WWP1: variants seen among roughly 807,000 people sequenced by gnomAD.
The protein encoded by WWP1 is NEDD4-like E3 ubiquitin-protein ligase WWP1.
A neutral mutation model predicts 130.6 loss-of-function variants in WWP1; 49 were observed. The observed-to-expected ratio is 0.38, with a 90% CI of 0.30 to 0.48. WWP1 has a LOEUF of 0.48. Ranked by LOEUF, WWP1 falls within the 20% of genes least tolerant of loss-of-function variation. WWP1 has a pLI of 0.99. For synonymous variants in WWP1, 332 were observed against 367.8 expected, an observed-to-expected ratio of 0.90 and a Z score of 1.11; for missense variants, 809 against 1,100.6, an observed-to-expected ratio of 0.74 and a Z score of 3.75.
intron 2 of WWP1, among the ~76,000 whole-genome samples, chr8:86,372,233 A>G (rs1241638050): frequency 1.3e-5 from 2 of 151,752 alleles, no homozygotes; most frequent in South Asian, 2.1e-4. Context: ...CGTGTTACCC[A>G]GGATGGTCTC....
Position 86,458,009 on chromosome 8 carries a change from T to C in WWP1, c.2483T>C (p.Ile828Thr), listed in dbSNP as rs1563551503. 6.2e-7 allele frequency: 1 copy of C among 1,611,600 alleles called. No homozygotes were observed. Among genetic ancestry groups the C allele is most frequent in the East Asian group, 2.2e-5 (1 of 44,804 alleles). The change falls in exon 22 of 25, where the codon ATC (isoleucine) becomes ACC (threonine). Residue 828 changes from isoleucine to threonine, a missense_variant. Physicochemically the swap from Ile to Thr is moderately conservative, Grantham distance 89 (BLOSUM62 -1). Transcript: ENST00000517970. ...CATTATACAAGAAACAGCAAGCAAATCATTTGGTTTTGGCAGGTATTTGCT... is the reference window on the plus strand; with the variant it reads ...CATTATACAAGAAACAGCAAGCAAACCATTTGGTTTTGGCAGGTATTTGCT... ...YRHYTRNSKQ[I>T]IWFWQFVKET...
At chr8:86,364,823 GAAAGAA>G (rs1823864832) in intron 1 of WWP1, among the ~76,000 whole-genome samples, 1 of 126,814 alleles carries the variant, frequency 7.9e-6, no homozygotes, top group Non-Finnish European at 1.7e-5. Context: ...AAGAAAGAAA[GAAAGAA>G]AGAAAGAGAG....
chr8:86,393,584 G>C (rs1484159468), intron 5 of WWP1, among the ~76,000 whole-genome samples: 1 of 152,212 alleles, frequency 6.6e-6, no homozygotes. Flanking sequence ...GGAAGTAGGA[G>C]CTTAACTTTG....
chr8:86,456,353 A>G (rs1269775347), intron 21 of WWP1, among the ~76,000 whole-genome samples: 3 of 151,976 alleles, frequency 2.0e-5, no homozygotes, highest in Non-Finnish European at 4.4e-5. Flanking sequence ...TATTGAGACA[A>G]AGATCTTATA....
chr8:86,437,398 G>A (rs1230045392), intron 16 of WWP1, among the ~76,000 whole-genome samples: 1 of 152,182 alleles, frequency 6.6e-6, no homozygotes, highest in Non-Finnish European at 1.5e-5. Flanking sequence ...GGAATGTGTG[G>A]TATAAACAGG....
At chr8:86,364,641 AAAAC>A (rs1286894876) in intron 1 of WWP1, among the ~76,000 whole-genome samples, 4 of 152,116 alleles carry the variant, frequency 2.6e-5, no homozygotes, top group African/African-American at 4.8e-5. Context: ...ATCTCTACAA[AAAAC>A]AAACAAAGAA....
At chr8:86,418,978 C>G (rs1380697100) in intron 9 of WWP1, among the ~76,000 whole-genome samples, 1 of 152,136 alleles carries the variant, frequency 6.6e-6, no homozygotes, top group Non-Finnish European at 1.5e-5. Context: ...TATTATCACT[C>G]TTTAATTAAT....
At chr8:86,409,369 G>T (rs139840903) in intron 8 of WWP1, among the ~76,000 whole-genome samples, 35 of 149,500 alleles carry the variant, frequency 2.3e-4, no homozygotes, top group Admixed American at 2.3e-3. Flanking sequence ...GAGTAGCTGG[G>T]ATTACAGGCA....
chr8:86,379,188 G>C (rs1443455484), intron 3 of WWP1, among the ~76,000 whole-genome samples: 1 of 152,034 alleles, frequency 6.6e-6, no homozygotes, highest in Non-Finnish European at 1.5e-5. Flanking sequence ...AGCAAGTCTG[G>C]GCCTTCTATA....
chr8:86,387,186 G>C lies in WWP1; in HGVS notation c.334+5557G>C, dbSNP rs529307009. Among the ~76,000 whole-genome samples the C allele has an allele frequency of 1.8e-4, 27 of 152,102 alleles. No homozygotes were observed. The East Asian group carries it at 1.9e-3, about 11-fold the overall frequency. ...TTTCTTAACCTAAATTATTTTTATT[G>C]GTTGCCATATATATATTAAATGACC... On this transcript the variant is annotated intron_variant, in intron 5 of 24. Coordinates refer to ENST00000517970, the MANE Select transcript of WWP1 (RefSeq NM_007013.4).
At chr8:86,391,293 A>G (rs542429218) in intron 5 of WWP1, among the ~76,000 whole-genome samples, 26 of 152,286 alleles carry the variant, frequency 1.7e-4, no homozygotes, top group Non-Finnish European at 3.5e-4. Flanking sequence ...ACATTGTCTC[A>G]GAATGTTTGT....
Position 86,468,394 on chromosome 8 carries a change from T to C in WWP1, c.*1501T>C, listed in dbSNP as rs1294156315. The stretch of plus-strand genomic sequence containing the variant: ...TTGAATAGACTCCTTTTCCAAATCC[T>C]TATTATGAACACTCTGGTAATTTTC... On this transcript the variant is annotated 3_prime_UTR_variant, in exon 25 of 25. Coordinates refer to ENST00000517970, the MANE Select transcript of WWP1 (RefSeq NM_007013.4). 2.2e-6 allele frequency: 1 copy of C among 452,578 alleles called. No homozygotes were observed. Among genetic ancestry groups the C allele is most frequent in the African/African-American group, 2.0e-5 (1 of 49,850 alleles). The allele number at this position is 452,578 out of a possible 1,614,324, so 28.0% of individuals were successfully genotyped here. A position where few individuals can be genotyped will look rare whatever the true frequency, so the allele number is the denominator to read the frequency against.
chr8:86,453,848 GT>G (rs1447422200), intron 21 of WWP1, among the ~76,000 whole-genome samples: 1 of 152,040 alleles, frequency 6.6e-6, no homozygotes, highest in Non-Finnish European at 1.5e-5. Context: ...TCCCATATAA[GT>G]TAGGACATAG....
At chr8:86,423,426 C>G (rs1809346321) in intron 9 of WWP1, among the ~76,000 whole-genome samples, 1 of 152,080 alleles carries the variant, frequency 6.6e-6, no homozygotes. Context: ...GGTGATGACT[C>G]TTAAGGAGTA....
At chr8:86,350,173 G>A (rs1250223108) in intron 1 of WWP1, among the ~76,000 whole-genome samples, 3 of 152,144 alleles carry the variant, frequency 2.0e-5, no homozygotes, top group African/African-American at 7.2e-5. Context: ...TCCTTTCCAA[G>A]AACAGGTAGA....
chr8:86,441,736 A>T (rs1207513447), intron 17 of WWP1, among the ~76,000 whole-genome samples: 3 of 152,228 alleles, frequency 2.0e-5, no homozygotes, highest in Non-Finnish European at 4.4e-5. Flanking sequence ...CTTAAAACCA[A>T]TAATTCAGCA....
chr8:86,372,811 A>C (rs6993612), intron 2 of WWP1, among the ~76,000 whole-genome samples: 22,376 of 151,832 alleles, frequency 0.15, 1,797 homozygotes, highest in Non-Finnish European at 0.19. Context: ...TATTTATCTT[A>C]GTGTTTTCTA....
intron 14 of WWP1, among the ~76,000 whole-genome samples, chr8:86,433,302 CAT>C (rs200017492): frequency 0.011 from 1,437 of 133,186 alleles, 28 homozygotes; most frequent in African/African-American, 0.04. Flanking sequence ...GCTTTTAAAA[CAT>C]GTGCCTGCTA....
intron 5 of WWP1, chr8:86,386,799 A>G (rs572424794): frequency 3.7e-4 from 56 of 152,358 alleles, no homozygotes; most frequent in African/African-American, 1.1e-3. Context: ...ACCTGAGACT[A>G]GGTAACTTAT....
Sources: allele counts gnomAD v4.1 joint callset (sites outside exome capture counted in the v4.1 genomes callset), GRCh38; gene constraint gnomAD v4.1.1; transcripts MANE v1.5; gene names NCBI Gene and HGNC (gene_info 2026-07-23, HGNC 2026-07-21).